The following ATP13A5 variants were observed in gnomAD, a reference collection of about 807,000 sequenced individuals.
ATP13A5 encodes the protein ATPase 13A5, also known as probable cation-transporting ATPase 13A5.
ATP13A5 carries 149 observed loss-of-function variants against 150.2 expected under a neutral mutation model. That is an observed-to-expected ratio of 0.99 (90% CI 0.87 to 1.14). ATP13A5 has a LOEUF of 1.14. ATP13A5 is among the 50% of genes most tolerant of loss of function. The pLI is 0.00. For synonymous variants in ATP13A5, 497 were observed against 522.2 expected, an observed-to-expected ratio of 0.95 and a Z score of 0.66; for missense variants, 1,383 against 1,449.3, an observed-to-expected ratio of 0.95 and a Z score of 0.74.
chr3:193,366,431 A>G (rs182978847), intron 1 of ATP13A5, among the ~76,000 whole-genome samples: 129 of 152,182 alleles, frequency 8.5e-4, no homozygotes, highest in African/African-American at 3.0e-3. Context: ...CAGTGGAAGA[A>G]AGCTGATATC....
intron 8 of ATP13A5, 54 bp downstream of exon 8, chr3:193,344,949 C>A (rs1712275573): frequency 4.7e-6 from 7 of 1,478,548 alleles, no homozygotes; most frequent in East Asian, 2.3e-5. Context: ...ACAAATGAGA[C>A]CAATTCCCCC....
chr3:193,293,613 A>G (rs1328890230), intron 25 of ATP13A5, among the ~76,000 whole-genome samples: 3 of 151,994 alleles, frequency 2.0e-5, no homozygotes, highest in African/African-American at 7.2e-5. Context: ...ATTATTTGGC[A>G]TCATTTGGCT....
At chr3:193,328,559 A>G (rs1483572204) in intron 12 of ATP13A5, among the ~76,000 whole-genome samples, 3 of 152,206 alleles carry the variant, frequency 2.0e-5, no homozygotes, top group Non-Finnish European at 2.9e-5. Context: ...CAGAAATTAG[A>G]TTATGTTATC....
chr3:193,352,020 A>G (rs1267755515), intron 6 of ATP13A5, among the ~76,000 whole-genome samples: 2 of 152,234 alleles, frequency 1.3e-5, no homozygotes, highest in Non-Finnish European at 2.9e-5. Context: ...CCATCAGAGC[A>G]AAGCAAGGAT....
At chr3:193,365,830 A>G (rs1237309425) in intron 1 of ATP13A5, among the ~76,000 whole-genome samples, 1 of 152,086 alleles carries the variant, frequency 6.6e-6, no homozygotes, top group Non-Finnish European at 1.5e-5. Context: ...ATGTTTTTAA[A>G]TTAAAAAACA....
chr3:193,335,188 C>A, intron 9 of ATP13A5, 89 bp from the exon 10 acceptor site: 1 of 1,233,736 alleles, frequency 8.1e-7, no homozygotes, highest in South Asian at 1.4e-5. Context: ...TTATACAAAC[C>A]ACAACTAATC....
chr3:193,328,923 T>C (rs139897511), intron 12 of ATP13A5, among the ~76,000 whole-genome samples: 1 of 152,312 alleles, frequency 6.6e-6, no homozygotes, highest in East Asian at 1.9e-4. Context: ...TCAGAGACGA[T>C]TGTGGTTGAA....
At chr3:193,356,706 A>G (rs1318709036) in intron 5 of ATP13A5, among the ~76,000 whole-genome samples, 2 of 152,074 alleles carry the variant, frequency 1.3e-5, no homozygotes, top group African/African-American at 2.4e-5. Flanking sequence ...CCTTCCAACA[A>G]CCTTTCTTTT....
chr3:193,309,773 C>T (rs190277788), intron 21 of ATP13A5, among the ~76,000 whole-genome samples: 21 of 152,250 alleles, frequency 1.4e-4, no homozygotes, highest in African/African-American at 3.6e-4. Flanking sequence ...TCAGTCCAAC[C>T]GCTCATGAGG....
chr3:193,276,640 T>C (rs1480685345), intron 29 of ATP13A5, 110 bp downstream of exon 29: 1 of 734,298 alleles, frequency 1.4e-6, no homozygotes, highest in Non-Finnish European at 2.3e-6. Context: ...AAACCCTTAA[T>C]AACTGTCATT....
At chr3:193,290,271 T>TA (rs1345212918) in intron 25 of ATP13A5, among the ~76,000 whole-genome samples, 1 of 151,982 alleles carries the variant, frequency 6.6e-6, no homozygotes, top group Non-Finnish European at 1.5e-5. Context: ...CCTTCAGAAA[T>TA]AAAAAAGTGG....
chr3:193,276,429 AG>A (rs1717204092), intron 29 of ATP13A5, among the ~76,000 whole-genome samples: 1 of 152,236 alleles, frequency 6.6e-6, no homozygotes, highest in Non-Finnish European at 1.5e-5. Context: ...TAGGGTTGGA[AG>A]GTCACCTGGT....
intron 27 of ATP13A5, among the ~76,000 whole-genome samples, chr3:193,283,055 G>C (rs1717567700): frequency 6.6e-6 from 1 of 152,022 alleles, no homozygotes; most frequent in African/African-American, 2.4e-5. Context: ...AAAAAAGATA[G>C]TATGGAAACT....
chr3:193,340,046 G>A (rs1712056518), intron 9 of ATP13A5, among the ~76,000 whole-genome samples: 1 of 152,126 alleles, frequency 6.6e-6, no homozygotes, highest in Admixed American at 6.6e-5. Context: ...TTTCTGGGGA[G>A]CCCAAGAAAG....
rs147559800 is a variant in ATP13A5, at chr3:193,329,226, C to T, written c.1461+1897G>A. ...ACTGCACTCCAGCCTGGTGACAGAG[C>T]GAGACTCCATCTCAAAAGAAAAAAA... On this transcript the variant is annotated intron_variant, in intron 12 of 29. Transcript: ENST00000342358. Among the ~76,000 whole-genome samples the T allele has an allele frequency of 3.6e-3, 522 of 146,226 alleles. 3 individuals carry two copies. The highest frequency in any genetic ancestry group is 0.028 in the Middle Eastern group (8 of 282).
At chr3:193,377,918 C>T (rs1216673263) in intron 1 of ATP13A5, among the ~76,000 whole-genome samples, 3 of 152,196 alleles carry the variant, frequency 2.0e-5, no homozygotes, top group African/African-American at 7.2e-5. Flanking sequence ...TGACCTTGGG[C>T]AAGTTATTTA....
intron 8 of ATP13A5, 91 bp from the exon 9 acceptor site, chr3:193,344,146 G>T: frequency 6.7e-7 from 1 of 1,488,932 alleles, no homozygotes; most frequent in Non-Finnish European, 9.0e-7. Context: ...CAACCTGTTG[G>T]CCAAGAGCTA....
At chr3:193,306,112 T>A (rs1402979796) in intron 22 of ATP13A5, among the ~76,000 whole-genome samples, 1 of 151,606 alleles carries the variant, frequency 6.6e-6, no homozygotes, top group East Asian at 1.9e-4. Flanking sequence ...CTATAAGAAT[T>A]GTGTGGGCAT....
rs748268958 is a variant in ATP13A5, at chr3:193,314,169, G to T, written c.2183C>A (p.Thr728Asn). The T allele has an allele frequency of 3.1e-6, 5 of 1,613,678 alleles. No homozygotes were observed. Among genetic ancestry groups the T allele is most frequent in the Non-Finnish European group, 4.2e-6 (5 of 1,179,804 alleles). The change falls in exon 19 of 30, where the codon ACT becomes AAT. Residue 728 changes from threonine to asparagine, a missense_variant. Thr to Asn is a moderately conservative substitution (Grantham distance 65). Coordinates refer to ENST00000342358, the MANE Select transcript of ATP13A5 (RefSeq NM_198505.4). ...GATCATTTCAGAATTCTTTGCAACA[G>T]TAATGGCCGTTTGAAGGTTATCACC... Reference protein sequence around the residue: ...ITGDNLQTAITVAKNSEMIPP... With the variant: ...ITGDNLQTAINVAKNSEMIPP...
Sources: gnomAD v4.1 joint callset for allele counts (sites outside exome capture counted in the v4.1 genomes callset) on GRCh38, gnomAD v4.1.1 for gene constraint, MANE v1.5 for transcripts, NCBI Gene and HGNC (gene_info 2026-07-23, HGNC 2026-07-21) for gene names.